SECISBP2: variants seen among roughly 807,000 people sequenced by gnomAD.
SECISBP2 encodes SECIS binding protein 2.
In SECISBP2, 96 loss-of-function variants were observed where a neutral mutation model predicts 98.2. The ratio of observed to expected loss-of-function variants is 0.98; its 90% confidence interval spans 0.83 to 1.16. The LOEUF is 1.16. Among genes scored for constraint, SECISBP2 ranks in the 50% most tolerant of loss-of-function variants. The probability of loss-of-function intolerance (pLI) is 0.00; values close to 1 mark genes in which losing one functional copy is unlikely to be tolerated. For missense variants in SECISBP2, 1,046 were observed against 1,022.9 expected, an observed-to-expected ratio of 1.02 and a Z score of -0.31; for synonymous variants, 407 against 370.2, an observed-to-expected ratio of 1.10 and a Z score of -1.14.
At chr9:89,328,605 T>C (rs1286044923) in intron 4 of SECISBP2, 55 bp from the exon 5 acceptor site, 4 of 1,448,584 alleles carry the variant, frequency 2.8e-6, no homozygotes, top group Non-Finnish European at 3.9e-6. Context: ...GCTTGCATAC[T>C]GGTCATCAAA....
At chr9:89,345,340 T>C (rs541700636) in intron 10 of SECISBP2, among the ~76,000 whole-genome samples, 5 of 152,216 alleles carry the variant, frequency 3.3e-5, no homozygotes, top group Non-Finnish European at 7.3e-5. Context: ...AAGCCCCTTA[T>C]GGCAGTGACA....
intron 3 of SECISBP2, 72 bp downstream of exon 3, chr9:89,325,748 A>G: frequency 1.2e-6 from 2 of 1,605,624 alleles, no homozygotes; most frequent in Non-Finnish European, 1.7e-6. Flanking sequence ...AGAAATGGTA[A>G]ATTTGTACAT....
chr9:89,342,475 G>A (rs1345168565), intron 10 of SECISBP2, among the ~76,000 whole-genome samples: 1 of 152,100 alleles, frequency 6.6e-6, no homozygotes, highest in Admixed American at 6.5e-5. Context: ...TTTACACTGG[G>A]GTTTGTTATG....
intron 1 of SECISBP2, chr9:89,319,041 T>C: frequency 2.0e-6 from 2 of 1,018,368 alleles, no homozygotes; most frequent in Non-Finnish European, 1.2e-6. Context: ...TTGCATCATT[T>C]TTAGACCCAT....
chr9:89,350,156 C>G (rs1017865492), intron 13 of SECISBP2, among the ~76,000 whole-genome samples: 10 of 152,198 alleles, frequency 6.6e-5, no homozygotes, highest in African/African-American at 2.4e-4. Flanking sequence ...AAGAGGGGCC[C>G]TCAGTCCAGG....
In SECISBP2 at chr9:89,359,078, C is replaced by G; in HGVS notation, c.*254C>G. 1 of 507,096 alleles carries G rather than the reference C, an allele frequency of 2.0e-6. No homozygotes were observed. The highest frequency in any genetic ancestry group is 3.7e-5 in the East Asian group (1 of 26,960). 31.4% of individuals were successfully genotyped at this position (507,096 alleles called of 1,614,324 possible). ...ATACAGCTCTGGCTTTCTGAGCACA[C>G]TACGGATCTGGAAAATACTGGAAAA... On this transcript the variant is annotated 3_prime_UTR_variant, in exon 17 of 17. Transcript: ENST00000375807.
intron 8 of SECISBP2, 42 bp downstream of exon 8, chr9:89,338,622 T>C: frequency 1.3e-6 from 2 of 1,587,486 alleles, no homozygotes; most frequent in East Asian, 2.2e-5. Flanking sequence ...ATATAATAAG[T>C]GGGTCTTTCT....
In SECISBP2 at chr9:89,358,839, G is replaced by A. The variant is rs770896230; in HGVS notation, c.*15G>A. The A allele has an allele frequency of 6.4e-7, 1 of 1,565,072 alleles. No homozygotes were observed. The highest frequency in any genetic ancestry group is 8.8e-7 in the Non-Finnish European group (1 of 1,136,118). ...TGAATTTATGAGAGTTCTTGCCTGT[G>A]TGTCTGTATTTTGGGTAAGGAGGGG... On this transcript the variant is annotated 3_prime_UTR_variant, in exon 17 of 17. Coordinates refer to ENST00000375807, the MANE Select transcript of SECISBP2 (RefSeq NM_024077.5).
At chr9:89,354,367 T>A (rs1255515101) in intron 14 of SECISBP2, among the ~76,000 whole-genome samples, 2 of 152,180 alleles carry the variant, frequency 1.3e-5, no homozygotes, top group African/African-American at 4.8e-5. Flanking sequence ...CACATGGGGT[T>A]AAATGTGGGG....
downstream of SECISBP2, chr9:89,364,032 C>G (rs765960446): frequency 6.2e-7 from 1 of 1,611,012 alleles, no homozygotes; most frequent in Non-Finnish European, 8.5e-7. Context: ...GGGGGGTTAC[C>G]TCTGCTGTCC....
At chr9:89,333,843 G>T (rs1373528430) in intron 6 of SECISBP2, among the ~76,000 whole-genome samples, 2 of 152,144 alleles carry the variant, frequency 1.3e-5, no homozygotes, top group African/African-American at 4.8e-5. Context: ...GTTTTCTTTT[G>T]TGTTCTCATG....
chr9:89,360,092 G>A (rs182252636), downstream of SECISBP2, among the ~76,000 whole-genome samples: 38 of 152,298 alleles, frequency 2.5e-4, no homozygotes, highest in Admixed American at 4.6e-4. Flanking sequence ...TGAAGGCACC[G>A]TCTGCCCTGT....
At chr9:89,338,225 A>T (rs540535885) in intron 7 of SECISBP2, among the ~76,000 whole-genome samples, 1 of 152,334 alleles carries the variant, frequency 6.6e-6, no homozygotes, top group Admixed American at 6.5e-5. Flanking sequence ...GTCCAAATCC[A>T]CCAGTTTTCA....
intron 1 of SECISBP2, 45 bp from the exon 2 acceptor site, chr9:89,319,607 T>G: frequency 6.2e-7 from 1 of 1,609,764 alleles, no homozygotes; most frequent in Non-Finnish European, 8.5e-7. Flanking sequence ...TTATATTTGC[T>G]TGATCTCTGA....
chr9:89,322,935 T>C (rs1587846505), intron 2 of SECISBP2: 1 of 152,306 alleles, frequency 6.6e-6, no homozygotes, highest in South Asian at 2.1e-4. Context: ...AATGGGGTCA[T>C]TGTAATCACT....
intron 10 of SECISBP2, among the ~76,000 whole-genome samples, chr9:89,343,315 C>A (rs1399147999): frequency 1.3e-5 from 2 of 151,966 alleles, no homozygotes; most frequent in Non-Finnish European, 1.5e-5. Flanking sequence ...TTTCAAAAAA[C>A]TCTACTTTTT....
At chr9:89,365,932 C>T in the SECISBP2 span, among the ~76,000 whole-genome samples, 3 of 152,208 alleles carry the variant, frequency 2.0e-5, no homozygotes, top group Non-Finnish European at 4.4e-5. Context: ...TGTCCGGTCT[C>T]TTGGTCAACA....
At chr9:89,339,978 A>G in intron 9 of SECISBP2, 25 bp downstream of exon 9, 1 of 1,521,592 alleles carries the variant, frequency 6.6e-7, no homozygotes, top group Non-Finnish European at 9.1e-7. Flanking sequence ...GAAACCACAA[A>G]TTGCTTTAGG....
At chr9:89,363,497 T>A (rs747995521), downstream of SECISBP2, 2 of 1,614,078 alleles carry the variant, frequency 1.2e-6, no homozygotes, top group Non-Finnish European at 1.7e-6. Flanking sequence ...GGCAGAGAGC[T>A]CTCTGGTCCA....
Sources: gnomAD v4.1 joint callset for allele counts (sites outside exome capture counted in the v4.1 genomes callset) on GRCh38, gnomAD v4.1.1 for gene constraint, MANE v1.5 for transcripts, NCBI Gene and HGNC (gene_info 2026-07-23, HGNC 2026-07-21) for gene names.